MGAT4C: variants seen among roughly 807,000 people sequenced by gnomAD.
MGAT4C encodes MGAT4 family member C, also known as alpha-1,3-mannosyl-glycoprotein 4-beta-N-acetylglucosaminyltransferase C.
MGAT4C carries 19 observed loss-of-function variants against 40.1 expected under a neutral mutation model. That is an observed-to-expected ratio of 0.47 (90% CI 0.33 to 0.70). The LOEUF (loss-of-function observed/expected upper bound fraction) is 0.70, where lower values mean the gene tolerates loss of function less well. Among genes scored for constraint, MGAT4C ranks in the 30% least tolerant of loss-of-function variants. The pLI, the probability that MGAT4C is intolerant of heterozygous loss-of-function variation, is 0.02. For missense variants in MGAT4C, 491 were observed against 563.2 expected (o/e 0.87, Z 1.30); for synonymous variants, 181 against 187.1 (o/e 0.97, Z 0.27).
intron 2 of MGAT4C, among the ~76,000 whole-genome samples, chr12:86,598,240 C>T (rs941225187): frequency 6.6e-6 from 1 of 151,974 alleles, no homozygotes; most frequent in African/African-American, 2.4e-5. Context: ...TTTTATAACT[C>T]ATTTAGTAGT....
At chr12:86,783,965 A>C (rs1177093675) in intron 1 of MGAT4C, among the ~76,000 whole-genome samples, 1 of 152,106 alleles carries the variant, frequency 6.6e-6, no homozygotes, top group African/African-American at 2.4e-5. Context: ...CATTGAGCTG[A>C]TTCTACAGCT....
chr12:86,533,449 C>G (rs933946165), intron 2 of MGAT4C, among the ~76,000 whole-genome samples: 7 of 151,784 alleles, frequency 4.6e-5, no homozygotes, highest in Admixed American at 4.6e-4. Flanking sequence ...ACCTTTTTCC[C>G]AAGAATTCTA....
intron 1 of MGAT4C, among the ~76,000 whole-genome samples, chr12:86,734,990 C>T (rs532664815): frequency 6.6e-6 from 1 of 151,912 alleles, no homozygotes; most frequent in Non-Finnish European, 1.5e-5. Context: ...AATTGCGGAA[C>T]TTGGCCGAGT....
At chr12:86,028,557 A>G (rs1273240617) in intron 2 of MGAT4C, among the ~76,000 whole-genome samples, 2 of 151,992 alleles carry the variant, frequency 1.3e-5, no homozygotes, top group Non-Finnish European at 2.9e-5. Flanking sequence ...TGTACCTCAG[A>G]AATGTTCCCT....
chr12:85,970,642 A>C lies in MGAT4C; in HGVS notation c.*8647T>G, dbSNP rs1159312923. The C allele has an allele frequency of 1.3e-5, 2 of 151,432 alleles. No individual in the cohort carries two copies. Among genetic ancestry groups the C allele is most frequent in the East Asian group, 1.9e-4 (1 of 5,176 alleles). 9.4% of individuals were successfully genotyped at this position (151,432 alleles called of 1,614,324 possible). Reference sequence around the variant, plus strand: ...AAGAAATTTAGTAAAGTACTAATTGAATTTAGTGATTAGACTGTGATTAGA... The same window carrying C: ...AAGAAATTTAGTAAAGTACTAATTGCATTTAGTGATTAGACTGTGATTAGA... On this transcript the variant is annotated 3_prime_UTR_variant, in exon 5 of 5. Coordinates refer to ENST00000611864, the MANE Select transcript of MGAT4C (RefSeq NM_001351288.2).
intron 1 of MGAT4C, among the ~76,000 whole-genome samples, chr12:86,831,292 G>A (rs577019942): frequency 6.6e-6 from 1 of 151,802 alleles, no homozygotes; most frequent in South Asian, 2.1e-4. Flanking sequence ...ATCATTCTGG[G>A]AGGAACAATA....
At chr12:86,195,411 T>C (rs1949765831) in intron 1 of MGAT4C, among the ~76,000 whole-genome samples, 1 of 152,200 alleles carries the variant, frequency 6.6e-6, no homozygotes, top group African/African-American at 2.4e-5. Flanking sequence ...AACAAGGTAT[T>C]TTTTAAAGGA....
intron 1 of MGAT4C, among the ~76,000 whole-genome samples, chr12:86,194,621 A>AT (rs539524406): frequency 0.014 from 2,065 of 144,628 alleles, 16 homozygotes; most frequent in Middle Eastern, 0.028. Flanking sequence ...TGCCCAACTA[A>AT]TTTTTTTTTT....
intron 1 of MGAT4C, among the ~76,000 whole-genome samples, chr12:86,812,907 C>T (rs1952505209): frequency 6.6e-6 from 1 of 152,072 alleles, no homozygotes; most frequent in Admixed American, 6.6e-5. Flanking sequence ...ATTCATTTGC[C>T]ATTGGTATTG....
At chr12:85,986,828 A>T (rs900449824) in intron 3 of MGAT4C, among the ~76,000 whole-genome samples, 4 of 152,190 alleles carry the variant, frequency 2.6e-5, no homozygotes, top group Non-Finnish European at 5.9e-5. Flanking sequence ...GTTAAAAAGA[A>T]ATTGCATTAT....
rs770451333 is a variant in MGAT4C, at chr12:85,965,596, C to CAAAAAAAA, written c.*13685_*13692dup. 1.8e-5 allele frequency: 1 copy of CAAAAAAAA among 57,126 alleles called. No homozygotes were observed. The highest frequency in any genetic ancestry group is 3.1e-5 in the Non-Finnish European group (1 of 32,100). The allele number at this position is 57,126 out of a possible 1,614,324, so 3.5% of individuals were successfully genotyped here. ...TGGGCAAAAGAGTGAGACTCTGTCT[C>CAAAAAAAA]AAAAAAAAAAAAAAAAAAAAAAAAG... is the stretch of plus-strand genomic sequence containing the variant. On this transcript the variant is annotated 3_prime_UTR_variant, in exon 5 of 5. Coordinates refer to ENST00000611864, the MANE Select transcript of MGAT4C (RefSeq NM_001351288.2).
At chr12:86,783,254 A>C (rs1202411581) in intron 1 of MGAT4C, among the ~76,000 whole-genome samples, 1 of 152,210 alleles carries the variant, frequency 6.6e-6, no homozygotes, top group African/African-American at 2.4e-5. Context: ...ATTAAATGAA[A>C]AATTAAACCC....
intron 2 of MGAT4C, among the ~76,000 whole-genome samples, chr12:86,515,356 G>A (rs1958664356): frequency 6.6e-6 from 1 of 152,036 alleles, no homozygotes. Flanking sequence ...TCTCTTCCCA[G>A]AAGACACAAT....
chr12:86,223,153 A>T (rs1026645062), intron 1 of MGAT4C, among the ~76,000 whole-genome samples: 40 of 152,312 alleles, frequency 2.6e-4, no homozygotes, highest in African/African-American at 8.9e-4. Context: ...GGCCAAAAAG[A>T]TAGAGGAGAA....
At chr12:86,188,967 T>A (rs1889077153) in intron 1 of MGAT4C, among the ~76,000 whole-genome samples, 1 of 151,522 alleles carries the variant, frequency 6.6e-6, no homozygotes, top group Non-Finnish European at 1.5e-5. Flanking sequence ...AAAATAAGAG[T>A]GGTTAGGGTA....
intron 1 of MGAT4C, among the ~76,000 whole-genome samples, chr12:86,756,883 T>G (rs1174673241): frequency 6.6e-6 from 1 of 152,170 alleles, no homozygotes; most frequent in Non-Finnish European, 1.5e-5. Context: ...GCAGCTAGGT[T>G]TCCAATGGGA....
intron 2 of MGAT4C, among the ~76,000 whole-genome samples, chr12:86,723,522 T>C (rs1291716450): frequency 1.3e-5 from 2 of 152,202 alleles, no homozygotes; most frequent in African/African-American, 4.8e-5. Context: ...TCTTGCTGTG[T>C]TTCTTCACAT....
chr12:86,770,475 T>C (rs1217553537), intron 1 of MGAT4C, among the ~76,000 whole-genome samples: 2 of 152,124 alleles, frequency 1.3e-5, no homozygotes, highest in Non-Finnish European at 2.9e-5. Context: ...TTCCCATGAT[T>C]TCTGCTTTAT....
chr12:86,235,832 T>A (rs879504546), intron 1 of MGAT4C, among the ~76,000 whole-genome samples: 4 of 152,068 alleles, frequency 2.6e-5, no homozygotes, highest in Admixed American at 2.0e-4. Flanking sequence ...TTACTTATTG[T>A]TATTGTCCTT....
Sources: allele counts gnomAD v4.1 joint callset (sites outside exome capture counted in the v4.1 genomes callset), GRCh38; gene constraint gnomAD v4.1.1; transcripts MANE v1.5; gene names NCBI Gene and HGNC (gene_info 2026-07-23, HGNC 2026-07-21).